PCSK5: variants seen among roughly 807,000 people sequenced by gnomAD.
PCSK5 encodes prohormone convertase 5.
PCSK5 carries 129 observed loss-of-function variants against 233.2 expected under a neutral mutation model. The observed-to-expected ratio is 0.55, with a 90% CI of 0.48 to 0.64. The LOEUF (loss-of-function observed/expected upper bound fraction) is 0.64, where lower values mean the gene tolerates loss of function less well. PCSK5 is among the 30% of genes least tolerant of loss of function. The pLI, the probability that PCSK5 is intolerant of heterozygous loss-of-function variation, is 0.00. For missense variants in PCSK5, 2,076 were observed against 2,430.1 expected, an observed-to-expected ratio of 0.85 and a Z score of 3.06; for synonymous variants, 825 against 879.2, an observed-to-expected ratio of 0.94 and a Z score of 1.09.
intron 36 of PCSK5, among the ~76,000 whole-genome samples, chr9:76,352,848 G>A (rs1027301558): frequency 6.7e-6 from 1 of 150,314 alleles, no homozygotes; most frequent in Non-Finnish European, 1.5e-5. Context: ...AAAGATTACA[G>A]CCTGGGCAAC....
intron 9 of PCSK5, among the ~76,000 whole-genome samples, chr9:76,109,517 T>C (rs186225464): frequency 2.0e-5 from 3 of 151,548 alleles, no homozygotes; most frequent in Admixed American, 6.6e-5. Context: ...TAACCTAAGA[T>C]AAGGTCACTT....
chr9:76,343,836 C>T (rs982611503), intron 35 of PCSK5, among the ~76,000 whole-genome samples: 4 of 152,102 alleles, frequency 2.6e-5, no homozygotes, highest in Non-Finnish European at 4.4e-5. Flanking sequence ...ACAAGACAGC[C>T]AAGGTCCCCG....
intron 4 of PCSK5, among the ~76,000 whole-genome samples, chr9:76,025,483 T>G (rs10781325): frequency 0.36 from 54,634 of 151,408 alleles, 10,681 homozygotes; most frequent in African/African-American, 0.53. Flanking sequence ...CAGAGAAGGG[T>G]TCTCAATAAC....
At chr9:76,349,647 C>T (rs1830068166) in intron 35 of PCSK5, among the ~76,000 whole-genome samples, 1 of 152,146 alleles carries the variant, frequency 6.6e-6, no homozygotes, top group Non-Finnish European at 1.5e-5. Flanking sequence ...GTTCAAAAAC[C>T]ACCCTTTACA....
At chr9:76,036,273 T>C (rs942519949) in intron 5 of PCSK5, among the ~76,000 whole-genome samples, 1 of 152,202 alleles carries the variant, frequency 6.6e-6, no homozygotes, top group Non-Finnish European at 1.5e-5. Context: ...ATACCAATGA[T>C]AGGTATGCAT....
chr9:76,284,484 C>A lies in PCSK5; in HGVS notation c.3143-7749C>A, dbSNP rs183786378. On this transcript the variant is annotated intron_variant, in intron 24 of 37. Coordinates refer to ENST00000674117, the MANE Select transcript of PCSK5 (RefSeq NM_001372043.1). ...ACCTTCCACCATGATTGTGAGGCCT[C>A]CTCAGCCACATGGAACTGTGAGTCC... 3.9e-3 allele frequency among the ~76,000 whole-genome samples: 588 copies of A among 151,962 alleles called. 3 individuals carry two copies. The highest frequency in any genetic ancestry group is 4.5e-3 in the Non-Finnish European group (304 of 67,994).
chr9:76,059,020 A>G (rs937491474), intron 5 of PCSK5, among the ~76,000 whole-genome samples: 5 of 152,196 alleles, frequency 3.3e-5, no homozygotes, highest in African/African-American at 9.7e-5. Flanking sequence ...AAAGAAATGT[A>G]TAACAATCTA....
At chr9:75,982,766 T>G (rs1826333826) in intron 2 of PCSK5, among the ~76,000 whole-genome samples, 2 of 150,744 alleles carry the variant, frequency 1.3e-5, no homozygotes, top group South Asian at 2.1e-4. Context: ...TTTTTTTTTT[T>G]GGCCATGTCG....
intron 7 of PCSK5, among the ~76,000 whole-genome samples, chr9:76,077,343 T>TA (rs946896461): frequency 2.0e-5 from 3 of 152,200 alleles, no homozygotes; most frequent in African/African-American, 7.2e-5. Context: ...ACTCTATTGT[T>TA]ACCATCAATA....
intron 20 of PCSK5, among the ~76,000 whole-genome samples, chr9:76,215,447 G>A (rs74377964): frequency 9.1e-6 from 1 of 109,492 alleles, no homozygotes; most frequent in Admixed American, 9.4e-5. Context: ...GCCATGGGCT[G>A]GGCTAGGCTT....
chr9:76,114,850 G>A (rs1292258460), intron 9 of PCSK5, among the ~76,000 whole-genome samples: 3 of 152,018 alleles, frequency 2.0e-5, no homozygotes, highest in Non-Finnish European at 2.9e-5. Context: ...GTCAAATGTT[G>A]GAAATGTCTC....
chr9:76,268,321 C>T (rs893277959), intron 24 of PCSK5, among the ~76,000 whole-genome samples: 17 of 152,142 alleles, frequency 1.1e-4, no homozygotes, highest in Admixed American at 1.0e-3. Context: ...GCTGGTAATG[C>T]GTTTCTCTAT....
intron 1 of PCSK5, among the ~76,000 whole-genome samples, chr9:75,928,809 G>A (rs62555886): frequency 0.075 from 11,316 of 151,284 alleles, 517 homozygotes; most frequent in African/African-American, 0.11. Flanking sequence ...AATTAAGGTA[G>A]AACTAAACCA....
chr9:76,227,631 G>C, intron 21 of PCSK5, 26 bp downstream of exon 21: 1 of 1,455,290 alleles, frequency 6.9e-7, no homozygotes, highest in East Asian at 2.3e-5. Flanking sequence ...GGATCTCCCG[G>C]TGGTGTGAGC....
chr9:76,089,017 A>T (rs1831179251), intron 7 of PCSK5, among the ~76,000 whole-genome samples: 1 of 150,514 alleles, frequency 6.6e-6, no homozygotes, highest in Non-Finnish European at 1.5e-5. Flanking sequence ...AAGCAACAAG[A>T]TTTATTTCGG....
At chr9:76,002,671 A>T (rs559273131) in intron 3 of PCSK5, among the ~76,000 whole-genome samples, 3 of 152,256 alleles carry the variant, frequency 2.0e-5, no homozygotes, top group African/African-American at 7.2e-5. Context: ...GTCCATCGAG[A>T]TTGGGTTGTA....
At chr9:76,283,989 A>G (rs76890058) in intron 24 of PCSK5, among the ~76,000 whole-genome samples, 93 of 152,292 alleles carry the variant, frequency 6.1e-4, no homozygotes, top group African/African-American at 2.2e-3. Context: ...AATCTTAAGG[A>G]ACCAAACTCA....
chr9:76,212,742 AC>A (rs1435266731), intron 20 of PCSK5, among the ~76,000 whole-genome samples: 1 of 152,148 alleles, frequency 6.6e-6, no homozygotes, highest in Non-Finnish European at 1.5e-5. Flanking sequence ...TTCCAGACAA[AC>A]CCTGTGCTAA....
chr9:76,268,682 A>G (rs1326708020), intron 24 of PCSK5, among the ~76,000 whole-genome samples: 2 of 151,964 alleles, frequency 1.3e-5, no homozygotes, highest in Non-Finnish European at 1.5e-5. Context: ...CATCTCTACA[A>G]AAAAATACAA....
Sources: gnomAD v4.1 joint callset for allele counts (sites outside exome capture counted in the v4.1 genomes callset) on GRCh38, gnomAD v4.1.1 for gene constraint, MANE v1.5 for transcripts, NCBI Gene and HGNC (gene_info 2026-07-23, HGNC 2026-07-21) for gene names.